The following MCM3 variants were observed in gnomAD, a reference collection of about 807,000 sequenced individuals.
MCM3 encodes the protein minichromosome maintenance complex component 3.
A neutral mutation model predicts 91.3 loss-of-function variants in MCM3; 59 were observed. The observed-to-expected ratio is 0.65, with a 90% CI of 0.52 to 0.80. The LOEUF (loss-of-function observed/expected upper bound fraction) is 0.80. Ranked by LOEUF, MCM3 falls within the 30% of genes least tolerant of loss-of-function variation. MCM3 has a pLI of 0.00. For synonymous variants in MCM3, 383 were observed against 379.6 expected (o/e 1.01, Z -0.10); for missense variants, 919 against 1,035.4 (o/e 0.89, Z 1.54).
At chr6:52,269,482 A>G (rs764233084) in intron 12 of MCM3, among the ~76,000 whole-genome samples, 2 of 151,624 alleles carry the variant, frequency 1.3e-5, no homozygotes, top group Non-Finnish European at 3.0e-5. Flanking sequence ...AACTGGAAAG[A>G]TAAAAAGCTA....
chr6:52,268,483 G>C (rs1764822244), intron 13 of MCM3, among the ~76,000 whole-genome samples: 1 of 152,200 alleles, frequency 6.6e-6, no homozygotes, highest in Admixed American at 6.5e-5. Flanking sequence ...GCAAGGAAGA[G>C]TTTATTAGAC....
chr6:52,268,146 C>T (rs916199200), intron 13 of MCM3, among the ~76,000 whole-genome samples, 178 bp from the exon 14 acceptor site: 1 of 152,202 alleles, frequency 6.6e-6, no homozygotes, highest in Non-Finnish European at 1.5e-5. Flanking sequence ...GACTGCTACC[C>T]ATCTTTTCAA....
Position 52,284,610 on chromosome 6 carries a change from AAGT to A in MCM3, c.62_64del (p.Asp21_Phe22delinsVal). The A allele has an allele frequency of 6.2e-7, 1 of 1,608,512 alleles. No homozygotes were observed. The highest frequency in any genetic ancestry group is 8.5e-7 in the Non-Finnish European group (1 of 1,178,536). The stretch of plus-strand genomic sequence containing the variant: ...CGCCTCCCTCACCTCGTCGTCCAGG[AAGT>A]CCAGGTAATCTCTCTGAGCCTCCCG... On this transcript the variant is annotated inframe_deletion, in exon 1 of 17. Coordinates refer to ENST00000596288, the MANE Select transcript of MCM3 (RefSeq NM_002388.6).
At chr6:52,266,742 G>A (rs201776326) in intron 14 of MCM3, 46 bp from the exon 15 acceptor site, 2 of 1,449,582 alleles carry the variant, frequency 1.4e-6, no homozygotes, top group East Asian at 2.3e-5. Flanking sequence ...TTTGGAGACA[G>A]AAAGGCAAGG....
At position 52,277,717 on chromosome 6, in the gene MCM3, T is replaced by A. The variant is rs1342878320; in HGVS notation, c.880-29A>T. 6.2e-6 allele frequency: 10 copies of A among 1,608,380 alleles called. 1 individual carries two copies. The South Asian group carries it at 1.1e-4, about 18-fold the overall frequency. On this transcript the variant is annotated intron_variant, in intron 6 of 16. Transcript: ENST00000596288. Reference sequence around the variant, plus strand: ...CAGGAGAAATAACCAATGGCAAGCCTAGTGAGATTCAATGGGACTTTGTGG... The same window carrying A: ...CAGGAGAAATAACCAATGGCAAGCCAAGTGAGATTCAATGGGACTTTGTGG...
intron 9 of MCM3, among the ~76,000 whole-genome samples, chr6:52,274,169 T>A (rs1476652094): frequency 2.0e-5 from 3 of 152,188 alleles, no homozygotes; most frequent in Non-Finnish European, 4.4e-5. Flanking sequence ...AGGCTGAGTG[T>A]AGGTCTGAAA....
intron 9 of MCM3, among the ~76,000 whole-genome samples, chr6:52,275,160 A>G (rs1247965018): frequency 6.6e-6 from 1 of 152,160 alleles, no homozygotes; most frequent in Non-Finnish European, 1.5e-5. Context: ...AAGAGCTCCA[A>G]CTCAAGAGAT....
chr6:52,279,885 T>C (rs1301258099), intron 4 of MCM3, among the ~76,000 whole-genome samples: 4 of 152,224 alleles, frequency 2.6e-5, no homozygotes, highest in Admixed American at 2.6e-4. Flanking sequence ...AAGCAGTTTT[T>C]CCACTCCTAG....
At chr6:52,269,833 CT>C (rs3216626) in intron 12 of MCM3, among the ~76,000 whole-genome samples, 12,885 of 152,226 alleles carry the variant, frequency 0.085, 1,127 homozygotes, top group East Asian at 0.33. Context: ...TCTGAATGGC[CT>C]TTCTTGACCT....
chr6:52,278,615 C>T (rs568929869), intron 6 of MCM3, 127 bp downstream of exon 6: 9 of 600,382 alleles, frequency 1.5e-5, no homozygotes, highest in African/African-American at 3.7e-5. Context: ...TTGATTGAGA[C>T]AAAAATAGAA....
rs778021622 is a variant in MCM3, at chr6:52,269,121, C to T, written c.1933G>A (p.Ala645Thr). ...TAAGCATACTGGACCAACTCCACAG[C>T]TTCCTCTGCATCCTGCAGGTCCACA... ...KTVDLQDAEE[A>T]VELVQYAYFK... is the part of the protein sequence containing the mutation. The change falls in exon 13 of 17, where the codon GCT becomes ACT. Residue 645 changes from alanine to threonine, a missense_variant. Around this residue, in one of 3 missense-constraint regions of MCM3, gnomAD observed 285 missense variants for 311.4 expected, o/e 0.92. Transcript: ENST00000596288. 3 of 1,613,938 alleles carry T rather than the reference C, an allele frequency of 1.9e-6. No homozygotes were observed. The highest frequency in any genetic ancestry group is 3.3e-5 in the Admixed American group (2 of 60,006).
In MCM3 at chr6:52,281,268, T is replaced by G. The variant is rs113903205; in HGVS notation, c.531+777A>C. On this transcript the variant is annotated intron_variant, in intron 4 of 16. Transcript: ENST00000596288. ...TAACAGTCTAGCATTATTTTTCTACTTTTTAAAAAGCAGATTCTAAAATTA... is the reference window on the plus strand; with the variant it reads ...TAACAGTCTAGCATTATTTTTCTACGTTTTAAAAAGCAGATTCTAAAATTA... Among the ~76,000 whole-genome samples the G allele has an allele frequency of 3.1e-3, 471 of 152,336 alleles. 1 individual carries two copies. Among genetic ancestry groups the G allele is most frequent in the African/African-American group, 0.011 (444 of 41,560 alleles).
chr6:52,282,274 GT>G, intron 3 of MCM3, 99 bp from the exon 4 acceptor site: 2 of 1,101,336 alleles, frequency 1.8e-6, no homozygotes, highest in Non-Finnish European at 2.7e-6. Context: ...CAAATACTGT[GT>G]TTTTTTGACT....
At chr6:52,283,253 G>A in intron 2 of MCM3, 41 bp downstream of exon 2, 1 of 1,520,644 alleles carries the variant, frequency 6.6e-7, no homozygotes, top group Non-Finnish European at 9.1e-7. Flanking sequence ...AGGGAAGGGA[G>A]CCATTCTCAC....
chr6:52,269,842 C>T lies in MCM3; in HGVS notation c.1828-616G>A, dbSNP rs116748652. On this transcript the variant is annotated intron_variant, in intron 12 of 16. Coordinates refer to ENST00000596288, the MANE Select transcript of MCM3 (RefSeq NM_002388.6). The stretch of plus-strand genomic sequence containing the variant: ...CTATTGTCTGAATGGCCTTTCTTGA[C>T]CTAATCAATCAGAATGAATTGGAAA... Among the ~76,000 whole-genome samples, 480 of 152,324 alleles carry T rather than the reference C, an allele frequency of 3.2e-3. 4 individuals are homozygous for T. Among genetic ancestry groups the T allele is most frequent in the African/African-American group, 0.011 (460 of 41,562 alleles).
At position 52,274,853 on chromosome 6, in the gene MCM3, C is replaced by T. The variant is rs537796214; in HGVS notation, c.1375-937G>A. On this transcript the variant is annotated intron_variant, in intron 9 of 16. Transcript: ENST00000596288. ...GTAATAATGATTTTGACCATGTTCA[C>T]GTTTCAGGTCCTGCCATTTTTCTTG... Among the ~76,000 whole-genome samples, 24 of 152,228 alleles carry T rather than the reference C, an allele frequency of 1.6e-4. No homozygotes were observed. In the East Asian group the frequency reaches 2.7e-3, roughly 17 times the overall value.
chr6:52,266,856 C>T (rs371160271), intron 14 of MCM3, among the ~76,000 whole-genome samples, 160 bp from the exon 15 acceptor site: 4 of 152,312 alleles, frequency 2.6e-5, no homozygotes, highest in African/African-American at 7.2e-5. Context: ...TTGTTCCAAA[C>T]GAGACCAAGT....
At chr6:52,277,284 A>G in intron 7 of MCM3, 86 bp from the exon 8 acceptor site, 1 of 1,407,116 alleles carries the variant, frequency 7.1e-7, no homozygotes, top group Non-Finnish European at 9.7e-7. Context: ...CTCTTGACAC[A>G]ACAGAGTCAC....
intron 12 of MCM3, 149 bp from the exon 13 acceptor site, chr6:52,269,375 A>G: frequency 1.6e-6 from 1 of 607,586 alleles, no homozygotes; most frequent in Non-Finnish European, 2.7e-6. Context: ...CAGATACCAT[A>G]TAAAAATGAG....
Sources: gnomAD v4.1 joint callset for allele counts (sites outside exome capture counted in the v4.1 genomes callset) on GRCh38, gnomAD v4.1.1 for gene constraint, gnomAD v4.1.1 regional missense constraint, MANE v1.5 for transcripts, NCBI Gene and HGNC (gene_info 2026-07-23, HGNC 2026-07-21) for gene names.